Variants in PCDHA11 observed in about 807,000 individuals in gnomAD.
PCDHA11 encodes protocadherin alpha 11.
A neutral mutation model predicts 70.3 loss-of-function variants in PCDHA11; 61 were observed. That is an observed-to-expected ratio of 0.87 (90% CI 0.71 to 1.07). The LOEUF is 1.07. Ranked by LOEUF, PCDHA11 falls within the 50% of genes least tolerant of loss-of-function variation. PCDHA11 has a pLI of 0.00. For synonymous variants in PCDHA11, 633 were observed against 555.1 expected (o/e 1.14, Z -1.97); for missense variants, 1,324 against 1,237.5 (o/e 1.07, Z -1.05).
At chr5:140,966,208 T>G (rs993246205) in intron 1 of PCDHA11, 2 of 231,366 alleles carry the variant, frequency 8.6e-6, no homozygotes, top group Admixed American at 1.1e-4. Flanking sequence ...TTGACTGCTT[T>G]TCCCAGACTA....
At chr5:140,875,465 T>G in intron 1 of PCDHA11, 1 of 1,599,690 alleles carries the variant, frequency 6.3e-7, no homozygotes, top group Non-Finnish European at 8.5e-7. Flanking sequence ...AGGCCCTCAT[T>G]TTCTGCAATG....
chr5:140,876,463 G>T, intron 1 of PCDHA11: 2 of 1,614,014 alleles, frequency 1.2e-6, no homozygotes, highest in Non-Finnish European at 1.7e-6. Flanking sequence ...TCCTTCCATG[G>T]CAGGTCACAG....
intron 1 of PCDHA11, among the ~76,000 whole-genome samples, chr5:140,938,974 G>T (rs534312375): frequency 6.6e-6 from 1 of 152,230 alleles, no homozygotes; most frequent in Non-Finnish European, 1.5e-5. Context: ...TGGCATCAAG[G>T]CTATCCTGGC....
chr5:140,929,613 C>A, intron 1 of PCDHA11: 6 of 406,162 alleles, frequency 1.5e-5, no homozygotes, highest in Non-Finnish European at 2.7e-5. Flanking sequence ...AATAAAATAC[C>A]AAAATATTTT....
intron 1 of PCDHA11, among the ~76,000 whole-genome samples, chr5:140,915,929 C>A (rs1554197194): frequency 1.3e-5 from 2 of 152,144 alleles, no homozygotes; most frequent in African/African-American, 4.8e-5. Context: ...ACTTGGGAGT[C>A]AGGGATTGGA....
intron 1 of PCDHA11, among the ~76,000 whole-genome samples, chr5:140,960,335 G>T (rs1362472967): frequency 1.3e-5 from 2 of 152,148 alleles, no homozygotes; most frequent in African/African-American, 4.8e-5. Context: ...AGAAGTACAT[G>T]AGGTGAGATA....
At chr5:140,921,244 A>G (rs1167584267) in intron 1 of PCDHA11, among the ~76,000 whole-genome samples, 1 of 152,180 alleles carries the variant, frequency 6.6e-6, no homozygotes, top group African/African-American at 2.4e-5. Flanking sequence ...TAAGCCACAG[A>G]TCAAAAAGTC....
chr5:140,876,922 G>C (rs1554169106), intron 1 of PCDHA11: 6 of 1,613,906 alleles, frequency 3.7e-6, no homozygotes, highest in African/African-American at 2.7e-5. Context: ...GGACGCGGAC[G>C]CGCAGAAGAA....
chr5:140,906,798 C>T (rs1456677849), intron 1 of PCDHA11, among the ~76,000 whole-genome samples: 1 of 152,192 alleles, frequency 6.6e-6, no homozygotes, highest in Non-Finnish European at 1.5e-5. Context: ...TCCATGCATA[C>T]TCTTCCTTAC....
At chr5:140,877,925 T>C in intron 1 of PCDHA11, 1 of 1,421,700 alleles carries the variant, frequency 7.0e-7, no homozygotes, top group Non-Finnish European at 9.2e-7. Flanking sequence ...TTTTTCTTTA[T>C]GATTCTATCC....
chr5:140,901,599 A>C (rs1196199794), intron 1 of PCDHA11, among the ~76,000 whole-genome samples: 1 of 152,132 alleles, frequency 6.6e-6, no homozygotes, highest in Non-Finnish European at 1.5e-5. Flanking sequence ...TTTGGTTACT[A>C]TATCTCTATG....
intron 1 of PCDHA11, chr5:140,884,038 G>A (rs1554181095): frequency 6.2e-7 from 1 of 1,613,432 alleles, no homozygotes; most frequent in South Asian, 1.1e-5. Context: ...CAGGCCACGT[G>A]GTGGCGAAGG....
At chr5:140,919,124 A>G (rs1195742790) in intron 1 of PCDHA11, among the ~76,000 whole-genome samples, 1 of 151,996 alleles carries the variant, frequency 6.6e-6, no homozygotes, top group Non-Finnish European at 1.5e-5. Flanking sequence ...TTTTTGCTTC[A>G]TGTGTTTTGG....
At chr5:140,892,950 C>G (rs553307667) in intron 1 of PCDHA11, among the ~76,000 whole-genome samples, 21 of 152,188 alleles carry the variant, frequency 1.4e-4, no homozygotes, top group Non-Finnish European at 2.9e-4. Context: ...AATACTACTT[C>G]CATGAGCTCA....
Position 140,870,852 on chromosome 5 carries a change from G to C in PCDHA11, c.1749G>C (p.Ser583=), listed in dbSNP as rs782301779. The C allele has an allele frequency of 1.9e-6, 3 of 1,613,862 alleles. No homozygotes were observed. Among genetic ancestry groups the C allele is most frequent in the Non-Finnish European group, 2.5e-6 (3 of 1,179,890 alleles). ...GGAVNKLVPR[S]VGAGHVVAKV... ...CAGTTAACAAGCTAGTACCGCGGTCGGTGGGTGCGGGCCACGTGGTGGCGA... is the reference window on the plus strand; with the variant it reads ...CAGTTAACAAGCTAGTACCGCGGTCCGTGGGTGCGGGCCACGTGGTGGCGA... Residue 583 remains serine (S), a synonymous_variant, in exon 1 of 4, where the codon TCG becomes TCC. Transcript: ENST00000398640.
chr5:140,966,968 G>C, intron 1 of PCDHA11: 2 of 1,602,616 alleles, frequency 1.2e-6, no homozygotes, highest in Non-Finnish European at 1.7e-6. Context: ...GCTGGGGCTT[G>C]AGCTGCGGCG....
intron 3 of PCDHA11, among the ~76,000 whole-genome samples, chr5:140,994,582 G>A (rs1179279862): frequency 6.6e-6 from 1 of 152,062 alleles, no homozygotes; most frequent in Non-Finnish European, 1.5e-5. Context: ...GCATGCACTT[G>A]TAGTCTCAGC....
chr5:140,999,015 C>G (rs2097843117), intron 3 of PCDHA11, among the ~76,000 whole-genome samples: 1 of 152,280 alleles, frequency 6.6e-6, no homozygotes, highest in East Asian at 1.9e-4. Context: ...GATTTGAACC[C>G]AAGACTTTTG....
At chr5:140,992,606 G>A (rs1554253052) in intron 3 of PCDHA11, among the ~76,000 whole-genome samples, 1 of 152,188 alleles carries the variant, frequency 6.6e-6, no homozygotes. Flanking sequence ...CTGTGTCTAA[G>A]TGAAAGCAGA....
Sources: gnomAD v4.1 joint callset for allele counts (sites outside exome capture counted in the v4.1 genomes callset) on GRCh38, gnomAD v4.1.1 for gene constraint, MANE v1.5 for transcripts, NCBI Gene and HGNC (gene_info 2026-07-23, HGNC 2026-07-21) for gene names.